The following TEX38 variants were observed in gnomAD, a reference collection of about 807,000 sequenced individuals.
TEX38 encodes testis-expressed protein 38.
A neutral mutation model predicts 2.7 loss-of-function variants in TEX38; 5 were observed. The observed-to-expected ratio is 1.86, with a 90% CI of 0.97 to 3.90. The LOEUF (loss-of-function observed/expected upper bound fraction) is 3.90. Among genes scored for constraint, TEX38 ranks in the 30% most tolerant of loss-of-function variants. The pLI is 0.00. For missense variants in TEX38, 218 were observed against 247.9 expected, an observed-to-expected ratio of 0.88 and a Z score of 0.81; for synonymous variants, 110 against 103.3, an observed-to-expected ratio of 1.06 and a Z score of -0.39.
upstream of TEX38, among the ~76,000 whole-genome samples, chr1:46,671,085 C>T (rs545734054): frequency 6.6e-6 from 1 of 151,992 alleles, no homozygotes; most frequent in Non-Finnish European, 1.5e-5. Flanking sequence ...TTCAAATTGG[C>T]GATGATATGA....
chr1:46,671,350 G>A (rs1045156548), upstream of TEX38, among the ~76,000 whole-genome samples: 1 of 152,172 alleles, frequency 6.6e-6, no homozygotes, highest in Non-Finnish European at 1.5e-5. Context: ...AGGGCCTGGG[G>A]CCTGGGAAAC....
At position 46,671,878 on chromosome 1, in the gene TEX38, TGGGTGGGTGAGTTCC is replaced by T. The variant is rs1676588055; in HGVS notation, c.-56_-42del. ...CAGATGGGCTGACTGGCTGGGCAGA[TGGGTGGGTGAGTTCC>T]CTCTCCCCAGAGCCATCGGCCAGGT... On this transcript the variant is annotated 5_prime_UTR_variant, in exon 1 of 2. The change abolishes an upstream ATG in the 5' untranslated region. Transcript: ENST00000334122. 1 of 1,526,680 alleles carries T rather than the reference TGGGTGGGTGAGTTCC, an allele frequency of 6.6e-7. No homozygotes were observed. Among genetic ancestry groups the T allele is most frequent in the Admixed American group, 2.0e-5 (1 of 50,920 alleles). The allele number at this position is 1,526,680 out of a possible 1,614,324, so 94.6% of individuals were successfully genotyped here.
Position 46,672,911 on chromosome 1 carries a change from T to C in TEX38, c.76T>C (p.Ser26Pro). Reference protein sequence around the residue: ...SLYFGILGLCSVITGGCIIFL... With the variant: ...SLYFGILGLCPVITGGCIIFL... The stretch of plus-strand genomic sequence containing the variant: ...GTACTTTGGAATCCTGGGGCTGTGT[T>C]CTGTGATAACTGGAGGGTGCATTAT... The change falls in exon 2 of 2, where the codon TCT becomes CCT. Residue 26 changes from serine (S) to proline (P), a missense_variant. Transcript: ENST00000334122. The C allele has an allele frequency of 1.3e-6, 2 of 1,551,712 alleles. No individual in the cohort carries two copies. Among genetic ancestry groups the C allele is most frequent in the Non-Finnish European group, 1.7e-6 (2 of 1,147,010 alleles).
At chr1:46,672,246 CTTT>C (rs199795962) in intron 1 of TEX38, among the ~76,000 whole-genome samples, 5 of 141,464 alleles carry the variant, frequency 3.5e-5, no homozygotes, top group Admixed American at 7.0e-5. Flanking sequence ...TGAACTTTCA[CTTT>C]TTTTTTTTTT....
At chr1:46,671,086 GATGAT>G (rs1676575412), upstream of TEX38, among the ~76,000 whole-genome samples, 1 of 151,998 alleles carries the variant, frequency 6.6e-6, no homozygotes, top group Non-Finnish European at 1.5e-5. Context: ...TCAAATTGGC[GATGAT>G]ATGATTCTGG....
chr1:46,669,313 G>A (rs1676550066), upstream of TEX38: 1 of 427,618 alleles, frequency 2.3e-6, no homozygotes, highest in African/African-American at 2.0e-5. Flanking sequence ...CTATGCTCAT[G>A]GAGATCAGCC....
At chr1:46,671,780 ATT>A, upstream of TEX38, 1 of 781,652 alleles carries the variant, frequency 1.3e-6, no homozygotes, top group Non-Finnish European at 2.2e-6. Flanking sequence ...AGAATGCCCA[ATT>A]CTCAGAACCC....
At chr1:46,669,606 A>G (rs886201258), upstream of TEX38, 2 of 424,150 alleles carry the variant, frequency 4.7e-6, no homozygotes, top group African/African-American at 4.1e-5. Context: ...GTTTATATTA[A>G]TTCATTGAGC....
upstream of TEX38, among the ~76,000 whole-genome samples, chr1:46,671,257 T>A (rs75155329): frequency 4.2e-3 from 639 of 152,132 alleles, 2 homozygotes; most frequent in Non-Finnish European, 7.2e-3. Flanking sequence ...GAGTACGGAC[T>A]AGGCAAAAGG....
chr1:46,672,944 C>A lies in TEX38; in HGVS notation c.109C>A (p.His37Asn). ...AACTGGAGGGTGCATTATCTTTCTG[C>A]ACTGGAGGAAGAACTTGAGGCGGGA... Reference protein sequence around the residue: ...VITGGCIIFLHWRKNLRREEH... With the variant: ...VITGGCIIFLNWRKNLRREEH... Residue 37 changes from histidine (H) to asparagine (N), a missense_variant, in exon 2 of 2, where the codon CAC becomes AAC. Physicochemically the swap from His to Asn is moderately conservative, Grantham distance 68. Coordinates refer to ENST00000334122, the MANE Select transcript of TEX38 (RefSeq NM_001145474.4). 1 of 1,551,680 alleles carries A rather than the reference C, an allele frequency of 6.4e-7. No homozygotes were observed. The highest frequency in any genetic ancestry group is 8.7e-7 in the Non-Finnish European group (1 of 1,146,994).
At chr1:46,672,449 T>C (rs1676600662) in intron 1 of TEX38, among the ~76,000 whole-genome samples, 2 of 152,172 alleles carry the variant, frequency 1.3e-5, no homozygotes, top group African/African-American at 4.8e-5. Flanking sequence ...TTCACCATGT[T>C]GGCCAGGCTG....
upstream of TEX38, chr1:46,669,405 C>G: frequency 2.2e-6 from 1 of 456,098 alleles, no homozygotes; most frequent in Non-Finnish European, 4.4e-6. Flanking sequence ...CTGGCTCACA[C>G]TCCTAACACT....
chr1:46,669,021 G>C (rs949856085), upstream of TEX38: 1 of 172,246 alleles, frequency 5.8e-6, no homozygotes, highest in Non-Finnish European at 1.3e-5. Flanking sequence ...ACTCCTTGAA[G>C]AGTCCTTATT....
upstream of TEX38, chr1:46,669,326 G>A (rs1303346615): frequency 4.5e-6 from 2 of 445,290 alleles, no homozygotes; most frequent in East Asian, 7.0e-5. Flanking sequence ...GATCAGCCCT[G>A]AGCCCTGCCC....
At position 46,672,334 on chromosome 1, in the gene TEX38, T is replaced by C. The variant is rs548867562; in HGVS notation, c.37+363T>C. 2.0e-5 allele frequency among the ~76,000 whole-genome samples: 3 copies of C among 151,440 alleles called. No individual in the cohort carries two copies. In the East Asian group the frequency reaches 5.9e-4, roughly 30 times the overall value. On this transcript the variant is annotated intron_variant, in intron 1 of 1. Coordinates refer to ENST00000334122, the MANE Select transcript of TEX38 (RefSeq NM_001145474.4). ...ATCTAGGCTCACTGTAACCTCCACC[T>C]CCTGGATTCAAGTGATTCTCCTGCC...
In TEX38 at chr1:46,673,168, G is replaced by A. The variant is rs571767389; in HGVS notation, c.333G>A (p.Arg111=). The A allele has an allele frequency of 5.8e-6, 9 of 1,551,646 alleles. No individual in the cohort carries two copies. Among genetic ancestry groups the A allele is most frequent in the South Asian group, 1.2e-5 (1 of 84,040 alleles). Residue 111 remains arginine (R), a synonymous_variant, in exon 2 of 2, where the codon AGG becomes AGA. Coordinates refer to ENST00000334122, the MANE Select transcript of TEX38 (RefSeq NM_001145474.4). ...GGGATTTGGACATCCCCGAAGGCAG[G>A]AGCCATGCTGACCAAGACAGCAACC... The part of the protein sequence containing the change: ...VLWDLDIPEG[R]SHADQDSNPK...
At chr1:46,672,100 T>C in intron 1 of TEX38, 129 bp downstream of exon 1, 3 of 852,686 alleles carry the variant, frequency 3.5e-6, no homozygotes, top group Non-Finnish European at 3.5e-6. Flanking sequence ...AGTTAGGAGA[T>C]AGTCTACTCT....
At chr1:46,670,469 G>C (rs1428841163), upstream of TEX38, among the ~76,000 whole-genome samples, 1 of 152,182 alleles carries the variant, frequency 6.6e-6, no homozygotes, top group African/African-American at 2.4e-5. Context: ...CTGGCAAGGA[G>C]GGATGTCAAC....
upstream of TEX38, among the ~76,000 whole-genome samples, chr1:46,671,084 G>A (rs533628604): frequency 6.6e-6 from 1 of 152,232 alleles, no homozygotes; most frequent in South Asian, 2.1e-4. Flanking sequence ...CTTCAAATTG[G>A]CGATGATATG....
Sources: allele counts gnomAD v4.1 joint callset (sites outside exome capture counted in the v4.1 genomes callset), GRCh38; gene constraint gnomAD v4.1.1; transcripts MANE v1.5; gene names NCBI Gene and HGNC (gene_info 2026-07-23, HGNC 2026-07-21).